AKTIP: variants seen among roughly 807,000 people sequenced by gnomAD.
AKTIP encodes the protein AKT-interacting protein.
In AKTIP, 16 loss-of-function variants were observed where a neutral mutation model predicts 39.1. The ratio of observed to expected loss-of-function variants is 0.41; its 90% CI spans 0.28 to 0.62. The LOEUF (loss-of-function observed/expected upper bound fraction) is 0.62, where lower values mean the gene tolerates loss of function less well. Ranked by LOEUF, AKTIP falls within the 20% of genes least tolerant of loss-of-function variation. AKTIP has a pLI of 0.32. For synonymous variants in AKTIP, 93 were observed against 124.3 expected, an observed-to-expected ratio of 0.75 and a Z score of 1.67; for missense variants, 262 against 356.6, an observed-to-expected ratio of 0.73 and a Z score of 2.14.
chr16:53,496,458 A>C (rs1006260123), intron 3 of AKTIP, among the ~76,000 whole-genome samples: 2 of 149,022 alleles, frequency 1.3e-5, no homozygotes, highest in Non-Finnish European at 3.0e-5. Flanking sequence ...AGACCCACTG[A>C]CCATTACAAC....
intron 5 of AKTIP, 102 bp from the exon 6 acceptor site, chr16:53,494,707 G>A (rs965923088): frequency 6.9e-6 from 8 of 1,153,496 alleles, no homozygotes; most frequent in South Asian, 4.2e-5. Flanking sequence ...AGGCAGTCAC[G>A]TTATTTAAAG....
intron 3 of AKTIP, among the ~76,000 whole-genome samples, chr16:53,496,124 T>C (rs775472744): frequency 6.6e-6 from 1 of 152,232 alleles, no homozygotes; most frequent in Non-Finnish European, 1.5e-5. Flanking sequence ...TATCAAGAAC[T>C]AGTTTATCAG....
chr16:53,494,312 T>C, intron 7 of AKTIP, 27 bp downstream of exon 7: 1 of 1,613,038 alleles, frequency 6.2e-7, no homozygotes, highest in East Asian at 2.2e-5. Flanking sequence ...CAAATTTATT[T>C]TAAATAACAA....
At chr16:53,500,970 T>G (rs1027114952) in intron 1 of AKTIP, 12 of 152,186 alleles carry the variant, frequency 7.9e-5, no homozygotes, top group Admixed American at 7.9e-4. Context: ...CTAGCACATC[T>G]CGGCATTTAA....
At chr16:53,495,677 C>T (rs1380306256) in intron 3 of AKTIP, among the ~76,000 whole-genome samples, 4 of 152,136 alleles carry the variant, frequency 2.6e-5, no homozygotes, top group East Asian at 1.9e-4. Flanking sequence ...TAGGTAATTC[C>T]GAATAATGCA....
At chr16:53,499,960 A>C (rs1962071924) in intron 2 of AKTIP, among the ~76,000 whole-genome samples, 1 of 152,194 alleles carries the variant, frequency 6.6e-6, no homozygotes, top group Non-Finnish European at 1.5e-5. Flanking sequence ...AAATTTCATC[A>C]TGTGTAAATA....
intron 3 of AKTIP, among the ~76,000 whole-genome samples, chr16:53,496,263 A>G (rs1598154057): frequency 6.6e-6 from 1 of 152,160 alleles, no homozygotes; most frequent in African/African-American, 2.4e-5. Flanking sequence ...TGGCAGCTGT[A>G]TCTCTACTAC....
At chr16:53,498,847 T>C (rs778609779) in intron 2 of AKTIP, among the ~76,000 whole-genome samples, 3 of 152,166 alleles carry the variant, frequency 2.0e-5, no homozygotes, top group Admixed American at 1.3e-4. Flanking sequence ...ATACAATCAG[T>C]GTGTACAGGA....
chr16:53,498,449 T>C lies in AKTIP; in HGVS notation c.190A>G (p.Asn64Asp), dbSNP rs746802147. Residue 64 changes from asparagine (N) to aspartate (D), a missense_variant, in exon 3 of 10, where the codon AAT (asparagine) becomes GAT (aspartate). Coordinates refer to ENST00000394657, the MANE Select transcript of AKTIP (RefSeq NM_022476.4). ...TSPAPAAQST[N>D]GTHASYGPFY... is the part of the protein sequence containing the mutation. ...GGTCCATAGGACGCATGCGTGCCAT[T>C]TGTTGACTGTGCTGCTGGGGCAGGA... The C allele has an allele frequency of 5.0e-6, 8 of 1,613,922 alleles. No individual in the cohort carries two copies. Among genetic ancestry groups the C allele is most frequent in the South Asian group, 1.1e-5 (1 of 91,076 alleles).
intron 2 of AKTIP, 95 bp downstream of exon 2, chr16:53,500,123 G>A (rs960992963): frequency 2.3e-5 from 21 of 910,150 alleles, no homozygotes; most frequent in Non-Finnish European, 3.4e-5. Context: ...AAGATTACAG[G>A]TGACCGTGAC....
intron 1 of AKTIP, 194 bp downstream of exon 1, chr16:53,502,953 G>C (rs1275655998): frequency 6.6e-6 from 1 of 152,342 alleles, no homozygotes; most frequent in Non-Finnish European, 1.5e-5. Flanking sequence ...GGGCTGCGAG[G>C]CGGCCAGCGC....
chr16:53,497,581 TCAGGAGG>T (rs1961915756), intron 3 of AKTIP, among the ~76,000 whole-genome samples: 1 of 152,112 alleles, frequency 6.6e-6, no homozygotes, highest in Non-Finnish European at 1.5e-5. Context: ...CCTCCATCTG[TCAGGAGG>T]CTGCCTACAA....
At position 53,495,142 on chromosome 16, in the gene AKTIP, T is replaced by C; in HGVS notation, c.345A>G (p.Gly115=). 1.2e-6 allele frequency: 2 copies of C among 1,614,084 alleles called. No individual in the cohort carries two copies. Among genetic ancestry groups the C allele is most frequent in the Non-Finnish European group, 1.7e-6 (2 of 1,179,992 alleles). Residue 115 remains glycine, a synonymous_variant, in exon 5 of 10, where the codon GGA becomes GGG. Coordinates refer to ENST00000394657, the MANE Select transcript of AKTIP (RefSeq NM_022476.4). ...MWFGVIFIRH[G]LYQDGVFKFT... is the part of the protein sequence containing the mutation. Reference sequence around the variant, plus strand: ...ACTTAAATACGCCATCTTGGTAAAGTCCATGCCGTATGAATATTACTCCAA... The same window carrying C: ...ACTTAAATACGCCATCTTGGTAAAGCCCATGCCGTATGAATATTACTCCAA...
intron 3 of AKTIP, among the ~76,000 whole-genome samples, chr16:53,496,492 A>G (rs1961841740): frequency 6.7e-6 from 1 of 149,528 alleles, no homozygotes; most frequent in South Asian, 2.1e-4. Context: ...GGGAGGGGTC[A>G]AGGATGCTTT....
rs756319947 is a variant in AKTIP at position 53,495,062 on chromosome 16, C to T, written c.414+11G>A. The stretch of plus-strand genomic sequence containing the variant: ...ATCCACAAATAAAGCCAGACTGTGT[C>T]TCCAACTTACTGGACAGTCACCATC... On this transcript the variant is annotated intron_variant, in intron 5 of 9. Transcript: ENST00000394657. 25 of 1,609,970 alleles carry T rather than the reference C, an allele frequency of 1.6e-5. No individual in the cohort carries two copies. Among genetic ancestry groups the T allele is most frequent in the Non-Finnish European group, 2.1e-5 (25 of 1,176,270 alleles).
At chr16:53,492,551 A>T in intron 9 of AKTIP, 32 bp from the exon 10 acceptor site, 1 of 1,612,234 alleles carries the variant, frequency 6.2e-7, no homozygotes, top group Admixed American at 1.7e-5. Flanking sequence ...GATATTTAAA[A>T]AATTACTGGT....
chr16:53,500,583 G>A (rs1399895152), intron 1 of AKTIP, among the ~76,000 whole-genome samples: 1 of 152,048 alleles, frequency 6.6e-6, no homozygotes, highest in Non-Finnish European at 1.5e-5. Flanking sequence ...TCACCATGTT[G>A]GCCAGGCTGG....
chr16:53,499,814 T>C (rs973870782), intron 2 of AKTIP, among the ~76,000 whole-genome samples: 1 of 152,180 alleles, frequency 6.6e-6, no homozygotes, highest in Admixed American at 6.5e-5. Context: ...AATGAAAATA[T>C]ATTTTTAAAA....
intron 8 of AKTIP, chr16:53,493,300 G>A (rs1486728546): frequency 6.4e-6 from 1 of 155,820 alleles, no homozygotes; most frequent in Non-Finnish European, 1.4e-5. Flanking sequence ...GAGTAGCTGG[G>A]ATTACAGGCA....
Sources: allele counts gnomAD v4.1 joint callset (sites outside exome capture counted in the v4.1 genomes callset), GRCh38; gene constraint gnomAD v4.1.1; transcripts MANE v1.5; gene names NCBI Gene and HGNC (gene_info 2026-07-23, HGNC 2026-07-21).